The following PTPRD variants were observed in gnomAD, a reference collection of about 807,000 sequenced individuals.
PTPRD encodes protein tyrosine phosphatase receptor type D, also known as receptor-type tyrosine-protein phosphatase delta.
PTPRD carries 34 observed loss-of-function variants against 214.5 expected under a neutral mutation model. The observed-to-expected ratio is 0.16, with a 90% CI of 0.12 to 0.21. The LOEUF (loss-of-function observed/expected upper bound fraction) is 0.21, where lower values mean the gene tolerates loss of function less well. Among genes scored for constraint, PTPRD ranks in the 10% least tolerant of loss-of-function variants. PTPRD has a pLI of 1.00. For synonymous variants in PTPRD, 1,128 were observed against 845.7 expected, an observed-to-expected ratio of 1.33 and a Z score of -5.79; for missense variants, 2,545 against 2,398.7, an observed-to-expected ratio of 1.06 and a Z score of -1.27.
chr9:8,670,060 A>G (rs992421631), intron 12 of PTPRD, among the ~76,000 whole-genome samples: 1 of 151,684 alleles, frequency 6.6e-6, no homozygotes, highest in African/African-American at 2.4e-5. Flanking sequence ...AAGTGAGTAA[A>G]TTATCAAAAA....
At chr9:8,594,226 AT>A (rs1463265893) in intron 14 of PTPRD, among the ~76,000 whole-genome samples, 1 of 152,150 alleles carries the variant, frequency 6.6e-6, no homozygotes, top group Non-Finnish European at 1.5e-5. Context: ...TAAATGTTTT[AT>A]CCTCTACTCC....
intron 2 of PTPRD, among the ~76,000 whole-genome samples, chr9:10,497,231 C>A (rs2042334759): frequency 6.6e-6 from 1 of 151,844 alleles, no homozygotes. Flanking sequence ...GATCCATACC[C>A]CTAACTTCAG....
At chr9:9,966,783 A>T (rs2094734709) in intron 4 of PTPRD, among the ~76,000 whole-genome samples, 1 of 152,162 alleles carries the variant, frequency 6.6e-6, no homozygotes, top group Admixed American at 6.5e-5. Flanking sequence ...TTAACTTAAA[A>T]ATACAAAAAC....
intron 10 of PTPRD, among the ~76,000 whole-genome samples, chr9:9,019,301 A>AAAGAAAGG (rs1569428271): frequency 5.2e-4 from 37 of 70,740 alleles, no homozygotes; most frequent in Non-Finnish European, 6.4e-4. Flanking sequence ...AGAAAGAAAG[A>AAAGAAAGG]AAGAAAGAAA....
intron 11 of PTPRD, among the ~76,000 whole-genome samples, chr9:8,894,247 C>T (rs2098579302): frequency 1.3e-5 from 2 of 149,762 alleles, no homozygotes; most frequent in South Asian, 2.1e-4. Flanking sequence ...CCCAGCTACT[C>T]AGGAGGCTGA....
chr9:8,505,849 ATGTT>A (rs1393349747), intron 22 of PTPRD, among the ~76,000 whole-genome samples: 2 of 152,122 alleles, frequency 1.3e-5, no homozygotes, highest in African/African-American at 4.8e-5. Flanking sequence ...GTATATATGT[ATGTT>A]TGTGTCTATG....
chr9:8,777,637 A>C (rs144769965), intron 11 of PTPRD, among the ~76,000 whole-genome samples: 1 of 152,156 alleles, frequency 6.6e-6, no homozygotes, highest in African/African-American at 2.4e-5. Flanking sequence ...TCAGTCCAAC[A>C]CTTAGCAATC....
chr9:10,320,366 C>G (rs941379525), intron 3 of PTPRD, among the ~76,000 whole-genome samples: 2 of 151,982 alleles, frequency 1.3e-5, no homozygotes, highest in African/African-American at 4.8e-5. Context: ...ATCACACTAA[C>G]CTTTATTAAT....
intron 4 of PTPRD, among the ~76,000 whole-genome samples, chr9:9,955,755 C>A (rs562910852): frequency 6.6e-6 from 1 of 152,266 alleles, no homozygotes; most frequent in East Asian, 1.9e-4. Context: ...GATCTCCTGA[C>A]CTCGTGATAG....
chr9:8,917,050 C>CTT (rs1240325844), intron 11 of PTPRD, among the ~76,000 whole-genome samples: 5 of 136,900 alleles, frequency 3.7e-5, no homozygotes, highest in African/African-American at 1.4e-4. Context: ...TTGACATTTT[C>CTT]TTTCTTTTTT....
intron 2 of PTPRD, among the ~76,000 whole-genome samples, chr9:10,371,248 C>T (rs942057675): frequency 1.3e-5 from 2 of 151,948 alleles, no homozygotes; most frequent in Non-Finnish European, 2.9e-5. Flanking sequence ...CTCTCATCCA[C>T]ACATACTTGC....
At chr9:9,955,159 A>G (rs1342347699) in intron 4 of PTPRD, among the ~76,000 whole-genome samples, 2 of 152,198 alleles carry the variant, frequency 1.3e-5, no homozygotes, top group Non-Finnish European at 2.9e-5. Context: ...TTAAGTAAGC[A>G]CTGTCAGCAA....
At chr9:9,809,571 G>C (rs1423133449) in intron 5 of PTPRD, among the ~76,000 whole-genome samples, 1 of 152,220 alleles carries the variant, frequency 6.6e-6, no homozygotes, top group Non-Finnish European at 1.5e-5. Context: ...GCAGGATCAA[G>C]TGATTTTACA....
rs181161367 is a variant in PTPRD at position 8,785,852 on chromosome 9, A to C, written c.-103-51906T>G. 2.6e-5 allele frequency among the ~76,000 whole-genome samples: 4 copies of C among 152,360 alleles called. No individual in the cohort carries two copies. In the East Asian group the frequency reaches 7.7e-4, roughly 29 times the overall value. On this transcript the variant is annotated intron_variant, in intron 11 of 45. Transcript: ENST00000381196. ...ACTAGCAAAAGCATAAGGAACACAAAAACTCTCCTGTAATGTATTACAGAT... is the reference window on the plus strand; with the variant it reads ...ACTAGCAAAAGCATAAGGAACACAACAACTCTCCTGTAATGTATTACAGAT...
At chr9:9,456,335 G>A (rs139351125) in intron 8 of PTPRD, among the ~76,000 whole-genome samples, 17 of 151,646 alleles carry the variant, frequency 1.1e-4, no homozygotes, top group African/African-American at 3.9e-4. Context: ...GTATTGATTA[G>A]GAATAAAAAA....
chr9:10,211,306 T>A (rs140146119), intron 3 of PTPRD, among the ~76,000 whole-genome samples: 1 of 152,142 alleles, frequency 6.6e-6, no homozygotes, highest in Non-Finnish European at 1.5e-5. Flanking sequence ...AAATAATGCA[T>A]CTTCAAGGGC....
chr9:8,814,461 C>T (rs1451717110), intron 11 of PTPRD, among the ~76,000 whole-genome samples: 1 of 152,104 alleles, frequency 6.6e-6, no homozygotes, highest in Non-Finnish European at 1.5e-5. Context: ...AAACCTGAAG[C>T]TGAGACCAAT....
At chr9:8,832,742 G>C (rs1202176642) in intron 11 of PTPRD, among the ~76,000 whole-genome samples, 3 of 151,848 alleles carry the variant, frequency 2.0e-5, no homozygotes, top group East Asian at 1.9e-4. Context: ...ATTTCTGAAG[G>C]AGGCTGGATA....
intron 11 of PTPRD, among the ~76,000 whole-genome samples, chr9:8,776,953 T>C (rs2154491235): frequency 6.7e-6 from 1 of 148,308 alleles, no homozygotes; most frequent in Admixed American, 6.8e-5. Flanking sequence ...ATATGTATAG[T>C]ATATAAATAT....
Sources: gnomAD v4.1 joint callset for allele counts (sites outside exome capture counted in the v4.1 genomes callset) on GRCh38, gnomAD v4.1.1 for gene constraint, MANE v1.5 for transcripts, NCBI Gene and HGNC (gene_info 2026-07-23, HGNC 2026-07-21) for gene names.